Variants in CTSH observed in about 807,000 individuals in gnomAD.
CTSH encodes cathepsin H, also known as pro-cathepsin H.
Under a neutral mutation model 56.3 loss-of-function variants are expected in CTSH, and 52 were observed. That is an observed-to-expected ratio of 0.92 (90% CI 0.74 to 1.16). The LOEUF is 1.16. Ranked by LOEUF, CTSH falls within the 50% of genes most tolerant of loss-of-function variation. The probability of loss-of-function intolerance (pLI) is 0.00; values close to 1 mark genes in which losing one functional copy is unlikely to be tolerated. For missense variants in CTSH, 406 were observed against 424.5 expected, an observed-to-expected ratio of 0.96 and a Z score of 0.38; for synonymous variants, 174 against 155.7, an observed-to-expected ratio of 1.12 and a Z score of -0.88.
At chr15:78,939,275 C>A in intron 1 of CTSH, 104 bp from the exon 2 acceptor site, 1 of 806,576 alleles carries the variant, frequency 1.2e-6, no homozygotes, top group Non-Finnish European at 2.0e-6. Flanking sequence ...GAAAACTGGA[C>A]TAAATTTAAA....
At chr15:78,936,795 A>G (rs1225440117) in intron 3 of CTSH, among the ~76,000 whole-genome samples, 2 of 151,882 alleles carry the variant, frequency 1.3e-5, no homozygotes, top group Non-Finnish European at 2.9e-5. Context: ...AAGCCCGGCT[A>G]ATTTTGTATT....
intron 9 of CTSH, chr15:78,925,645 G>A (rs1293842894): frequency 2.0e-6 from 1 of 511,260 alleles, no homozygotes; most frequent in African/African-American, 1.9e-5. Context: ...TCTGCTCCTA[G>A]GAAACCCTGC....
intron 2 of CTSH, among the ~76,000 whole-genome samples, chr15:78,938,381 AT>A (rs957465949): frequency 6.6e-5 from 10 of 151,914 alleles, no homozygotes; most frequent in Non-Finnish European, 1.0e-4. Flanking sequence ...AAAAAAAAAA[AT>A]ATTTTGTACT....
intron 4 of CTSH, 99 bp from the exon 5 acceptor site, chr15:78,935,181 G>A (rs748954987): frequency 2.5e-6 from 2 of 813,692 alleles, no homozygotes; most frequent in Non-Finnish European, 4.0e-6. Flanking sequence ...ATCACCAAGA[G>A]AGAATAAGAA....
At chr15:78,923,682 C>G (rs1471619534) in intron 10 of CTSH, among the ~76,000 whole-genome samples, 1 of 152,224 alleles carries the variant, frequency 6.6e-6, no homozygotes, top group African/African-American at 2.4e-5. Context: ...CTCCCTCTTT[C>G]CTGGCAAGGA....
chr15:78,924,104 G>C lies in CTSH; in HGVS notation c.807-986C>G, dbSNP rs1190413604. Among the ~76,000 whole-genome samples, 41 of 136,700 alleles carry C rather than the reference G, an allele frequency of 3.0e-4. 2 individuals carry two copies. The highest frequency in any genetic ancestry group is 2.4e-3 in the Admixed American group (34 of 14,210). 89.7% of individuals were successfully genotyped at this position (136,700 alleles called of 152,430 possible). The stretch of plus-strand genomic sequence containing the variant: ...GGGGGGATCCAACCCAGCGGGGGGG[G>C]GGGGGAGGGTGGGCAGGGTGGGTCA... On this transcript the variant is annotated intron_variant, in intron 10 of 11. Transcript: ENST00000220166.
At position 78,929,442 on chromosome 15, in the gene CTSH, C is replaced by T. The variant is rs998574700; in HGVS notation, c.600G>A (p.Met200Ile). 3.1e-6 allele frequency: 5 copies of T among 1,612,410 alleles called. No individual in the cohort carries two copies. In the South Asian group the frequency reaches 5.5e-5, roughly 18 times the overall value. The change falls in exon 8 of 12, where the codon ATG becomes ATA. Residue 200 changes from methionine to isoleucine, a missense_variant. Transcript: ENST00000220166. ...CCTGGTAGGGGTAGGTGTCTTCACC[C>T]ATGATCCCCTTGTTGTACAGGATAT... The part of the protein sequence containing the change: ...FEYILYNKGI[M>I]GEDTYPYQGK...
At chr15:78,939,729 A>G (rs2141553711) in intron 1 of CTSH, among the ~76,000 whole-genome samples, 1 of 152,294 alleles carries the variant, frequency 6.6e-6, no homozygotes, top group South Asian at 2.1e-4. Context: ...CTCCACAAAA[A>G]TATAAAAATC....
intron 1 of CTSH, among the ~76,000 whole-genome samples, chr15:78,943,688 TTACA>T (rs1326537105): frequency 6.6e-6 from 1 of 152,262 alleles, no homozygotes; most frequent in African/African-American, 2.4e-5. Context: ...ACTGACTCAC[TTACA>T]TACAATCTAT....
At chr15:78,940,101 A>G (rs777136411) in intron 1 of CTSH, among the ~76,000 whole-genome samples, 1 of 152,380 alleles carries the variant, frequency 6.6e-6, no homozygotes, top group Non-Finnish European at 1.5e-5. Flanking sequence ...GAAACCTCAC[A>G]TGTACCCCCA....
At chr15:78,933,602 C>G (rs1400558689) in intron 5 of CTSH, 1 of 448,210 alleles carries the variant, frequency 2.2e-6, no homozygotes, top group East Asian at 7.0e-5. Flanking sequence ...ATGAGACAGT[C>G]AACGAGGCAG....
intron 1 of CTSH, among the ~76,000 whole-genome samples, chr15:78,944,081 T>C (rs1471210406): frequency 1.3e-5 from 2 of 152,142 alleles, no homozygotes; most frequent in African/African-American, 4.8e-5. Flanking sequence ...CCCCCCTCCC[T>C]AGGTTCTTGG....
At chr15:78,934,918 G>A in intron 5 of CTSH, 60 bp downstream of exon 5, 1 of 1,066,414 alleles carries the variant, frequency 9.4e-7, no homozygotes, top group Non-Finnish European at 1.5e-6. Context: ...TGTTCTTCCT[G>A]GTGTATTGTC....
intron 3 of CTSH, among the ~76,000 whole-genome samples, chr15:78,935,960 T>C (rs2055165590): frequency 6.6e-6 from 1 of 152,264 alleles, no homozygotes; most frequent in East Asian, 1.9e-4. Context: ...GCTTTTTCAA[T>C]GGTATAGATG....
At chr15:78,929,296 T>G (rs1421222363) in intron 8 of CTSH, 116 bp downstream of exon 8, 5 of 799,238 alleles carry the variant, frequency 6.3e-6, no homozygotes, top group Non-Finnish European at 1.0e-5. Context: ...CAGACAATTG[T>G]GAGAATTCCG....
At chr15:78,934,734 C>G (rs1037268786) in intron 5 of CTSH, 1 of 548,264 alleles carries the variant, frequency 1.8e-6, no homozygotes, top group Non-Finnish European at 3.3e-6. Context: ...AAATCTGGGG[C>G]GTGGGGAAGG....
At position 78,922,002 on chromosome 15, in the gene CTSH, AGGT is replaced by A; in HGVS notation, c.*125_*127del. 1.3e-6 allele frequency: 1 copy of A among 794,918 alleles called. No individual in the cohort carries two copies. Among genetic ancestry groups the A allele is most frequent in the Non-Finnish European group, 2.0e-6 (1 of 493,030 alleles). The allele number at this position is 794,918 out of a possible 1,614,324, so 49.2% of individuals were successfully genotyped here. ...CTGTAGGTTTCCAGGCTGGGCACAG[AGGT>A]GAGGGCAGAATGTTGGGGGTCCCAG... On this transcript the variant is annotated 3_prime_UTR_variant, in exon 12 of 12. Coordinates refer to ENST00000220166, the MANE Select transcript of CTSH (RefSeq NM_004390.5).
chr15:78,929,380 CAAG>C (rs1243874697), intron 8 of CTSH, 29 bp downstream of exon 8: 7 of 1,563,130 alleles, frequency 4.5e-6, no homozygotes, highest in South Asian at 1.1e-5. Context: ...TGCTGTACGC[CAAG>C]AAGACAGAGT....
chr15:78,937,842 A>G (rs2055208722), intron 2 of CTSH: 3 of 1,279,718 alleles, frequency 2.3e-6, no homozygotes, highest in Non-Finnish European at 2.0e-6. Context: ...AAATGTGTAT[A>G]ATTTTTTATT....
Sources: allele counts gnomAD v4.1 joint callset (sites outside exome capture counted in the v4.1 genomes callset), GRCh38; gene constraint gnomAD v4.1.1; transcripts MANE v1.5; gene names NCBI Gene and HGNC (gene_info 2026-07-23, HGNC 2026-07-21).